The following ATRNL1 variants were observed in gnomAD, a reference collection of about 807,000 sequenced individuals.
The protein encoded by ATRNL1 is attractin-like protein 1.
ATRNL1 carries 95 observed loss-of-function variants against 182.7 expected under a neutral mutation model. The ratio of observed to expected loss-of-function variants is 0.52; its 90% confidence interval spans 0.44 to 0.62. The LOEUF (loss-of-function observed/expected upper bound fraction) is 0.62. ATRNL1 is among the 20% of genes least tolerant of loss of function. The pLI, the probability that ATRNL1 is intolerant of heterozygous loss-of-function variation, is 0.00. For missense variants in ATRNL1, 1,471 were observed against 1,679.5 expected (o/e 0.88, Z 2.17); for synonymous variants, 576 against 568.3 (o/e 1.01, Z -0.19).
At chr10:115,736,927 C>T (rs1291310133) in intron 27 of ATRNL1, among the ~76,000 whole-genome samples, 1 of 152,042 alleles carries the variant, frequency 6.6e-6, no homozygotes, top group Non-Finnish European at 1.5e-5. Flanking sequence ...GCCTCCATGC[C>T]TGGCTAATTT....
intron 26 of ATRNL1, among the ~76,000 whole-genome samples, chr10:115,622,753 C>T (rs2133809215): frequency 6.6e-6 from 1 of 152,128 alleles, no homozygotes; most frequent in African/African-American, 2.4e-5. Context: ...CGGTGAAACC[C>T]CGTCTCTACT....
chr10:115,393,747 G>A (rs936665359), intron 19 of ATRNL1, among the ~76,000 whole-genome samples: 7 of 152,058 alleles, frequency 4.6e-5, no homozygotes, highest in Admixed American at 1.3e-4. Flanking sequence ...ATGAAAAGGA[G>A]GGGTCAGATA....
At chr10:115,226,287 G>T (rs537567292) in intron 9 of ATRNL1, among the ~76,000 whole-genome samples, 1 of 152,014 alleles carries the variant, frequency 6.6e-6, no homozygotes, top group South Asian at 2.1e-4. Flanking sequence ...TCTAAATGTG[G>T]AAGTACAATA....
intron 27 of ATRNL1, among the ~76,000 whole-genome samples, chr10:115,773,879 A>G (rs1003056613): frequency 2.6e-5 from 4 of 152,304 alleles, no homozygotes; most frequent in East Asian, 1.9e-4. Context: ...AAATTTAACT[A>G]TTTGTTCCTA....
chr10:115,628,157 A>AG (rs1199639839), intron 26 of ATRNL1, among the ~76,000 whole-genome samples: 95 of 151,936 alleles, frequency 6.3e-4, no homozygotes, highest in African/African-American at 2.2e-3. Flanking sequence ...AAAAAAAAAA[A>AG]AAAGAAAGAA....
chr10:115,492,644 A>ATTTTTT (rs10677710), intron 24 of ATRNL1, among the ~76,000 whole-genome samples: 3 of 121,860 alleles, frequency 2.5e-5, no homozygotes, highest in Non-Finnish European at 3.3e-5. Flanking sequence ...TACTAAAGTG[A>ATTTTTT]TTTTTTTTTT....
intron 20 of ATRNL1, among the ~76,000 whole-genome samples, chr10:115,425,089 A>G (rs1452304667): frequency 1.3e-5 from 2 of 151,770 alleles, no homozygotes; most frequent in African/African-American, 4.8e-5. Context: ...TCTTCAACTC[A>G]TTTTTTTCCA....
intron 28 of ATRNL1, among the ~76,000 whole-genome samples, chr10:115,877,563 G>C (rs1555107538): frequency 6.6e-6 from 1 of 152,196 alleles, no homozygotes; most frequent in African/African-American, 2.4e-5. Context: ...AAATAGGTTA[G>C]TGACAATAAA....
At chr10:115,920,919 A>G (rs1313050593) in intron 28 of ATRNL1, among the ~76,000 whole-genome samples, 1 of 152,228 alleles carries the variant, frequency 6.6e-6, no homozygotes, top group Admixed American at 6.5e-5. Context: ...TATATAGAAG[A>G]CATTTAAATG....
chr10:115,184,741 GA>G (rs782045929), intron 8 of ATRNL1, among the ~76,000 whole-genome samples: 2 of 151,602 alleles, frequency 1.3e-5, no homozygotes, highest in South Asian at 4.2e-4. Flanking sequence ...AGGAAAGGAA[GA>G]AAAAAATCAT....
chr10:115,860,347 C>T (rs1185448553), intron 28 of ATRNL1, among the ~76,000 whole-genome samples: 1 of 152,088 alleles, frequency 6.6e-6, no homozygotes, highest in East Asian at 1.9e-4. Context: ...ATGACTGTGC[C>T]ATCTGCCTTC....
chr10:115,228,766 C>CTTTTT (rs35765835), intron 9 of ATRNL1, among the ~76,000 whole-genome samples: 8 of 133,770 alleles, frequency 6.0e-5, no homozygotes, highest in East Asian at 2.1e-4. Context: ...TTCTTTCTTT[C>CTTTTT]TTTTTTTTTT....
chr10:115,900,607 A>G (rs190069393), intron 28 of ATRNL1, among the ~76,000 whole-genome samples: 4 of 151,866 alleles, frequency 2.6e-5, no homozygotes, highest in Admixed American at 2.6e-4. Flanking sequence ...TGAGACAAGT[A>G]GTATTGTCAT....
At chr10:115,777,532 A>G (rs1949157581) in intron 27 of ATRNL1, among the ~76,000 whole-genome samples, 1 of 152,210 alleles carries the variant, frequency 6.6e-6, no homozygotes, top group South Asian at 2.1e-4. Context: ...AGAAAAATTA[A>G]TTGACCCAAA....
At chr10:115,438,094 G>T (rs1846490021) in intron 21 of ATRNL1, among the ~76,000 whole-genome samples, 1 of 151,916 alleles carries the variant, frequency 6.6e-6, no homozygotes, top group African/African-American at 2.4e-5. Flanking sequence ...GCTGCAGTTT[G>T]TTTCTCAAAA....
chr10:115,923,044 T>C (rs1555119078), intron 28 of ATRNL1, among the ~76,000 whole-genome samples: 6 of 152,184 alleles, frequency 3.9e-5, no homozygotes. Flanking sequence ...CTCAAAAAGA[T>C]TTTTAATTTT....
chr10:115,286,844 CT>C (rs1316204209), intron 15 of ATRNL1, among the ~76,000 whole-genome samples: 11 of 151,862 alleles, frequency 7.2e-5, no homozygotes, highest in African/African-American at 1.4e-4. Flanking sequence ...CATGTACATA[CT>C]TTTTTTCTTC....
intron 5 of ATRNL1, among the ~76,000 whole-genome samples, chr10:115,130,131 C>A (rs1190699276): frequency 3.3e-5 from 5 of 151,976 alleles, no homozygotes; most frequent in Non-Finnish European, 7.4e-5. Context: ...GCTTATTTAT[C>A]TGTATATAAA....
chr10:115,161,561 G>A (rs1414206276), intron 6 of ATRNL1, among the ~76,000 whole-genome samples: 1 of 152,008 alleles, frequency 6.6e-6, no homozygotes, highest in Non-Finnish European at 1.5e-5. Flanking sequence ...TGTCAACAAG[G>A]AAGTTTGTAA....
Sources: allele counts gnomAD v4.1 joint callset (sites outside exome capture counted in the v4.1 genomes callset), GRCh38; gene constraint gnomAD v4.1.1; transcripts MANE v1.5; gene names NCBI Gene and HGNC (gene_info 2026-07-23, HGNC 2026-07-21).